NAV1: variants seen among roughly 807,000 people sequenced by gnomAD.
NAV1 encodes pore membrane and/or filament interacting like protein 3.
Under a neutral mutation model 175.2 loss-of-function variants are expected in NAV1, and 18 were observed. The observed-to-expected ratio is 0.10, with a 90% CI of 0.07 to 0.15. The LOEUF is 0.15. Among genes scored for constraint, NAV1 ranks in the 10% least tolerant of loss-of-function variants. The pLI, the probability that NAV1 is intolerant of heterozygous loss-of-function variation, is 1.00. For missense variants in NAV1, 1,731 were observed against 2,436.6 expected, an observed-to-expected ratio of 0.71 and a Z score of 6.10; for synonymous variants, 897 against 978.7, an observed-to-expected ratio of 0.92 and a Z score of 1.56.
chr1:201,645,351 T>C, upstream of NAV1, among the ~76,000 whole-genome samples: 1 of 126,424 alleles, frequency 7.9e-6, no homozygotes, highest in African/African-American at 3.1e-5. Flanking sequence ...AATTGAACAA[T>C]GAGAACACAT....
intron 1 of NAV1, among the ~76,000 whole-genome samples, chr1:201,552,868 T>G (rs1452213706): frequency 1.3e-5 from 2 of 152,156 alleles, no homozygotes; most frequent in African/African-American, 4.8e-5. Flanking sequence ...TGTTTACGTA[T>G]CAGACAGGGG....
chr1:201,579,456 A>G (rs1415664865), intron 1 of NAV1, among the ~76,000 whole-genome samples: 1 of 152,114 alleles, frequency 6.6e-6, no homozygotes, highest in Non-Finnish European at 1.5e-5. Context: ...CCTGGGTTCA[A>G]GCAATTCTCA....
intron 8 of NAV1, among the ~76,000 whole-genome samples, chr1:201,786,077 G>A (rs1676726384): frequency 6.6e-6 from 1 of 152,152 alleles, no homozygotes; most frequent in Non-Finnish European, 1.5e-5. Flanking sequence ...ACAGGCATGA[G>A]CCACTGTGCC....
At chr1:201,721,168 G>C (rs140100617) in intron 3 of NAV1, among the ~76,000 whole-genome samples, 4 of 152,076 alleles carry the variant, frequency 2.6e-5, no homozygotes, top group East Asian at 3.9e-4. Context: ...GTTTGCATGG[G>C]GAACACAGAA....
intron 1 of NAV1, among the ~76,000 whole-genome samples, chr1:201,624,036 C>T (rs566194699): frequency 6.6e-5 from 10 of 152,034 alleles, no homozygotes; most frequent in African/African-American, 2.4e-4. Flanking sequence ...TTGGCTTGGG[C>T]ACTGCGCCTT....
rs188333365 is a variant in NAV1, at chr1:201,614,700, G to T, written c.-32-8153G>T. ...AATGAGGCTGAAAGGCTGGAAGATT[G>T]GGGTGGAAAGGAGTTAGGGCTGAGG... On this transcript the variant is annotated intron_variant, in intron 2 of 33. Coordinates refer to the NAV1 transcript ENST00000685211. Among the ~76,000 whole-genome samples, 322 of 152,304 alleles carry T rather than the reference G, an allele frequency of 2.1e-3. 2 individuals are homozygous for T. Among genetic ancestry groups the T allele is most frequent in the Non-Finnish European group, 3.5e-3 (241 of 68,022 alleles).
intron 1 of NAV1, among the ~76,000 whole-genome samples, chr1:201,665,863 A>T (rs1669805715): frequency 6.9e-6 from 1 of 145,212 alleles, no homozygotes; most frequent in African/African-American, 2.6e-5. Flanking sequence ...TGCTAGTGTT[A>T]AAAAAAAAAG....
chr1:201,587,184 C>G (rs1356587618), intron 1 of NAV1, among the ~76,000 whole-genome samples: 1 of 151,944 alleles, frequency 6.6e-6, no homozygotes, highest in Non-Finnish European at 1.5e-5. Flanking sequence ...GCACTCCTGC[C>G]TGGGCAACAG....
At chr1:201,745,065 A>G (rs954276964) in intron 3 of NAV1, among the ~76,000 whole-genome samples, 1 of 152,212 alleles carries the variant, frequency 6.6e-6, no homozygotes, top group African/African-American at 2.4e-5. Flanking sequence ...GAATAATTCT[A>G]CACTTGTGGA....
intron 2 of NAV1, among the ~76,000 whole-genome samples, chr1:201,589,378 A>G (rs1435155272): frequency 6.6e-6 from 1 of 152,244 alleles, no homozygotes; most frequent in African/African-American, 2.4e-5. Context: ...CTCATCCATA[A>G]AATGGGGATA....
At chr1:201,633,796 G>A (rs936835388) in intron 2 of NAV1, among the ~76,000 whole-genome samples, 8 of 152,238 alleles carry the variant, frequency 5.3e-5, no homozygotes, top group African/African-American at 1.9e-4. Context: ...AGTAGAAACA[G>A]TTCAGGGGCA....
intron 1 of NAV1, among the ~76,000 whole-genome samples, chr1:201,546,487 C>G (rs1241598376): frequency 6.6e-6 from 1 of 152,180 alleles, no homozygotes; most frequent in Admixed American, 6.5e-5. Flanking sequence ...TGAAAACCGT[C>G]AGATAAGTAG....
At chr1:201,811,551 C>A in intron 24 of NAV1, 52 bp from the exon 29 acceptor site, 9 of 1,609,088 alleles carry the variant, frequency 5.6e-6, no homozygotes, top group Admixed American at 1.7e-5. Context: ...TTTCCAAGGC[C>A]GATCCAGCTG....
chr1:201,595,362 A>C (rs188029532), intron 2 of NAV1, among the ~76,000 whole-genome samples: 62 of 152,266 alleles, frequency 4.1e-4, no homozygotes, highest in Middle Eastern at 6.8e-3. Context: ...CATTCAACAA[A>C]TCCCTTCCTT....
chr1:201,803,648 C>T, exon 16 of NAV1: 1 of 1,613,822 alleles, frequency 6.2e-7, no homozygotes, highest in Non-Finnish European at 8.5e-7. Flanking sequence ...TCAACAGCAT[C>T]ACTAGCCATT....
At chr1:201,677,014 G>A (rs1284855002) in intron 1 of NAV1, among the ~76,000 whole-genome samples, 5 of 152,172 alleles carry the variant, frequency 3.3e-5, no homozygotes, top group South Asian at 2.1e-4. Context: ...CACTTTAGGC[G>A]GCTGAGATGG....
rs1017043111 is a variant in NAV1 at position 201,716,802 on chromosome 1, C to T, written c.861-1588C>T. On this transcript the variant is annotated intron_variant, in intron 2 of 29. Transcript: ENST00000367296. ...CTGAGGCAGGAGGGTCACTTGAGCT[C>T]GGGAGGTCAAGGCTGCAGTGAGCCG... Among the ~76,000 whole-genome samples, 20 of 152,264 alleles carry T rather than the reference C, an allele frequency of 1.3e-4. No homozygotes were observed. The East Asian group carries it at 1.4e-3, about 10-fold the overall frequency.
chr1:201,727,819 G>A (rs67232405), intron 3 of NAV1, among the ~76,000 whole-genome samples: 45,766 of 152,070 alleles, frequency 0.3, 6,930 homozygotes, highest in Admixed American at 0.33. Flanking sequence ...GGGCAAGGAA[G>A]CATGGGTATT....
At chr1:201,735,573 G>C (rs1355105654) in intron 3 of NAV1, among the ~76,000 whole-genome samples, 1 of 152,222 alleles carries the variant, frequency 6.6e-6, no homozygotes, top group Non-Finnish European at 1.5e-5. Context: ...GCCTGGACCT[G>C]GACCCAATGT....
Sources: allele counts gnomAD v4.1 joint callset (sites outside exome capture counted in the v4.1 genomes callset), GRCh38; gene constraint gnomAD v4.1.1; transcripts MANE v1.5; gene names NCBI Gene and HGNC (gene_info 2026-07-23, HGNC 2026-07-21).